Variants in DSE observed in about 807,000 individuals in gnomAD.
DSE encodes dermatan sulfate epimerase.
In DSE, 36 loss-of-function variants were observed where a neutral mutation model predicts 84.4. That is an observed-to-expected ratio of 0.43 (90% CI 0.33 to 0.56). DSE has a LOEUF of 0.56. Among genes scored for constraint, DSE ranks in the 20% least tolerant of loss-of-function variants. The pLI is 0.06. For missense variants in DSE, 862 were observed against 1,169.6 expected, an observed-to-expected ratio of 0.74 and a Z score of 3.84; for synonymous variants, 410 against 430.1, an observed-to-expected ratio of 0.95 and a Z score of 0.58.
At chr6:116,343,805 A>G (rs987900986) in intron 2 of DSE, among the ~76,000 whole-genome samples, 9 of 152,344 alleles carry the variant, frequency 5.9e-5, no homozygotes, top group Admixed American at 3.9e-4. Context: ...TGAGAAAAGA[A>G]GGCTTCAGAC....
At chr6:116,258,372 A>G in intron 1 of DSE, 1 of 628,376 alleles carries the variant, frequency 1.6e-6, no homozygotes, top group Non-Finnish European at 2.9e-6. Context: ...TGAAATTCAT[A>G]TTGTATATCA....
In DSE at chr6:116,436,599, C is replaced by G; in HGVS notation, c.2131C>G (p.Gln711Glu). Residue 711 changes from glutamine (Q) to glutamate (E), a missense_variant, in exon 6 of 6, where the codon CAG (glutamine) becomes GAG (glutamate). By Grantham distance (29) the Gln-to-Glu change is conservative (BLOSUM62 2). Transcript: ENST00000644252. ...GEATGQSAFA[Q>E]VIADRHKILF... The stretch of plus-strand genomic sequence containing the variant: ...GGCCACAGGACAGTCTGCCTTTGCA[C>G]AGGTCATTGCTGATCGTCACAAAAT... 1 of 1,614,170 alleles carries G rather than the reference C, an allele frequency of 6.2e-7. No individual in the cohort carries two copies. Among genetic ancestry groups the G allele is most frequent in the South Asian group, 1.1e-5 (1 of 91,088 alleles).
At chr6:116,313,368 A>G (rs1233607187) in intron 2 of DSE, among the ~76,000 whole-genome samples, 1 of 152,216 alleles carries the variant, frequency 6.6e-6, no homozygotes, top group Non-Finnish European at 1.5e-5. Context: ...GGAAACTAAT[A>G]CAGAAACTCT....
intron 1 of DSE, among the ~76,000 whole-genome samples, chr6:116,379,977 T>C (rs1228663992): frequency 6.6e-6 from 1 of 152,142 alleles, no homozygotes; most frequent in Admixed American, 6.5e-5. Context: ...GTTAGGGTGG[T>C]TATATTACAG....
chr6:116,295,165 A>C (rs935768221), intron 2 of DSE, among the ~76,000 whole-genome samples: 2 of 152,160 alleles, frequency 1.3e-5, no homozygotes, highest in Non-Finnish European at 2.9e-5. Flanking sequence ...TAGAAGAAGA[A>C]AGGACACTTG....
intron 1 of DSE, among the ~76,000 whole-genome samples, chr6:116,397,166 A>AC (rs1781301724): frequency 7.4e-6 from 1 of 134,368 alleles, no homozygotes; most frequent in Admixed American, 7.2e-5. Context: ...TATATACAGG[A>AC]TTTTTTTTTA....
chr6:116,384,280 C>G (rs891122251), intron 1 of DSE, among the ~76,000 whole-genome samples: 1 of 151,942 alleles, frequency 6.6e-6, no homozygotes, highest in Admixed American at 6.6e-5. Context: ...CAAGATGGGC[C>G]GAAAATTTTG....
intron 2 of DSE, among the ~76,000 whole-genome samples, chr6:116,337,959 A>T (rs746910390): frequency 6.6e-6 from 1 of 152,000 alleles, no homozygotes; most frequent in Non-Finnish European, 1.5e-5. Context: ...GCATTATGAA[A>T]TTTGGTATGA....
chr6:116,333,070 C>T (rs1427448860), intron 2 of DSE, among the ~76,000 whole-genome samples: 1 of 152,128 alleles, frequency 6.6e-6, no homozygotes, highest in Non-Finnish European at 1.5e-5. Flanking sequence ...TTATTCACTG[C>T]TAATGTGAAA....
intron 2 of DSE, among the ~76,000 whole-genome samples, chr6:116,418,048 G>A (rs993631885): frequency 5.3e-5 from 8 of 152,050 alleles, no homozygotes; most frequent in African/African-American, 1.9e-4. Flanking sequence ...AATTACAAAG[G>A]GTAGTCAATG....
At chr6:116,307,150 G>A (rs1775396590) in intron 2 of DSE, among the ~76,000 whole-genome samples, 1 of 152,160 alleles carries the variant, frequency 6.6e-6, no homozygotes, top group African/African-American at 2.4e-5. Context: ...GCAGCTATGT[G>A]TTTCATCTTT....
intron 2 of DSE, among the ~76,000 whole-genome samples, chr6:116,266,752 C>T (rs920739430): frequency 6.6e-6 from 1 of 151,410 alleles, no homozygotes; most frequent in African/African-American, 2.4e-5. Flanking sequence ...CTTTTTCTTA[C>T]TTTCTTTCTT....
chr6:116,295,922 A>G (rs957572333), intron 2 of DSE, among the ~76,000 whole-genome samples: 3 of 152,218 alleles, frequency 2.0e-5, no homozygotes, highest in Admixed American at 6.5e-5. Context: ...TCATAAACCA[A>G]TAATAAACTA....
At chr6:116,279,406 G>A (rs767392995) in intron 2 of DSE, 2 of 1,613,150 alleles carry the variant, frequency 1.2e-6, no homozygotes, top group Non-Finnish European at 1.7e-6. Flanking sequence ...CGTCAGCTCA[G>A]ACGCGGATCT....
At chr6:116,383,771 ATGTTATT>A (rs1410803862) in intron 1 of DSE, among the ~76,000 whole-genome samples, 1 of 152,182 alleles carries the variant, frequency 6.6e-6, no homozygotes, top group Non-Finnish European at 1.5e-5. Flanking sequence ...CTGCAGCAGC[ATGTTATT>A]TGTCCTGTGT....
rs769329052 is a variant in DSE at position 116,278,921 on chromosome 6, T to C, written c.-54+19954T>C. ...AGTTCCTTCACCTCTAAATTGGTTATGTACCTTAACATCTCTGCATCTTGG... is the reference window on the plus strand; with the variant it reads ...AGTTCCTTCACCTCTAAATTGGTTACGTACCTTAACATCTCTGCATCTTGG... On this transcript the variant is annotated intron_variant, in intron 2 of 3. Coordinates refer to the DSE transcript ENST00000430252. 6 of 1,614,066 alleles carry C rather than the reference T, an allele frequency of 3.7e-6. No homozygotes were observed. In the Admixed American group the frequency reaches 5.0e-5, roughly 13 times the overall value.
At chr6:116,355,121 C>T (rs1174457989) in intron 2 of DSE, among the ~76,000 whole-genome samples, 4 of 152,158 alleles carry the variant, frequency 2.6e-5, no homozygotes, top group African/African-American at 9.7e-5. Context: ...TTAAACAACA[C>T]CATGTTGAAC....
At chr6:116,430,546 C>CT (rs923301908) in intron 3 of DSE, among the ~76,000 whole-genome samples, 184 of 146,924 alleles carry the variant, frequency 1.3e-3, no homozygotes, top group East Asian at 5.5e-3. Flanking sequence ...GAGTCAATAA[C>CT]TTTTTTTTTT....
At chr6:116,371,822 G>C (rs1290358601) in intron 1 of DSE, among the ~76,000 whole-genome samples, 4 of 152,202 alleles carry the variant, frequency 2.6e-5, no homozygotes, top group Non-Finnish European at 4.4e-5. Flanking sequence ...AAGATCTGTC[G>C]GGGCTGGAAT....
Sources: allele counts gnomAD v4.1 joint callset (sites outside exome capture counted in the v4.1 genomes callset), GRCh38; gene constraint gnomAD v4.1.1; transcripts MANE v1.5; gene names NCBI Gene and HGNC (gene_info 2026-07-23, HGNC 2026-07-21).